GRB10: variants seen among roughly 807,000 people sequenced by gnomAD.
GRB10 encodes growth factor receptor bound protein 10.
GRB10 carries 20 observed loss-of-function variants against 80.9 expected under a neutral mutation model. The ratio of observed to expected loss-of-function variants is 0.25; its 90% CI spans 0.17 to 0.36. GRB10 has a LOEUF of 0.36. GRB10 is among the 10% of genes least tolerant of loss of function. The pLI is 1.00. For missense variants in GRB10, 548 were observed against 747.7 expected (o/e 0.73, Z 3.12); for synonymous variants, 291 against 291.5 (o/e 1.00, Z 0.02).
At chr7:50,672,902 A>G (rs1448707895) in intron 6 of GRB10, among the ~76,000 whole-genome samples, 1 of 152,210 alleles carries the variant, frequency 6.6e-6, no homozygotes, top group African/African-American at 2.4e-5. Context: ...GCAAAGTTGA[A>G]CAAACCCTGG....
intron 9 of GRB10, among the ~76,000 whole-genome samples, chr7:50,618,760 G>A (rs932985505): frequency 6.6e-6 from 1 of 152,176 alleles, no homozygotes; most frequent in African/African-American, 2.4e-5. Flanking sequence ...CCAACCAATC[G>A]CACTGATTTC....
At chr7:50,659,550 G>A (rs1323163330) in intron 7 of GRB10, among the ~76,000 whole-genome samples, 2 of 152,226 alleles carry the variant, frequency 1.3e-5, no homozygotes. Flanking sequence ...GCTGCTCCCA[G>A]GTCGCTCTGG....
intron 18 of GRB10, among the ~76,000 whole-genome samples, chr7:50,594,560 G>A (rs1014823532): frequency 6.6e-6 from 1 of 152,210 alleles, no homozygotes; most frequent in Non-Finnish European, 1.5e-5. Flanking sequence ...TGTCCAGCCA[G>A]CCTCTTTTGG....
rs568047401 is a variant in GRB10, at chr7:50,740,745, T to C, written c.-46-8377A>G. 2.6e-5 allele frequency among the ~76,000 whole-genome samples: 4 copies of C among 151,574 alleles called. No individual in the cohort carries two copies. In the East Asian group the frequency reaches 7.7e-4, roughly 29 times the overall value. ...CACATTCATTCGAAACCCAAACAAT[T>C]TGCAACAGAAGAGAGAAGACATAGC... On this transcript the variant is annotated intron_variant, in intron 3 of 18. Transcript: ENST00000401949.
At chr7:50,623,040 G>A (rs1180655622) in intron 8 of GRB10, among the ~76,000 whole-genome samples, 1 of 152,230 alleles carries the variant, frequency 6.6e-6, no homozygotes, top group Non-Finnish European at 1.5e-5. Context: ...CATGTGTGAA[G>A]CTGCCCTGGC....
chr7:50,637,786 T>C (rs2055355955), intron 7 of GRB10, among the ~76,000 whole-genome samples: 1 of 150,512 alleles, frequency 6.6e-6, no homozygotes, highest in South Asian at 2.1e-4. Flanking sequence ...AGAGGTATTA[T>C]ATTACCTGAC....
chr7:50,714,291 T>C (rs976058843), intron 4 of GRB10, among the ~76,000 whole-genome samples: 1 of 152,198 alleles, frequency 6.6e-6, no homozygotes, highest in African/African-American at 2.4e-5. Context: ...CTTAATAATT[T>C]TGACAACACA....
intron 4 of GRB10, among the ~76,000 whole-genome samples, chr7:50,721,589 G>A (rs138921072): frequency 2.0e-4 from 30 of 152,312 alleles, no homozygotes; most frequent in African/African-American, 7.2e-4. Flanking sequence ...CCCAAGCCCC[G>A]GTCTGTTAGC....
At chr7:50,664,630 C>A (rs919261661) in intron 7 of GRB10, among the ~76,000 whole-genome samples, 2 of 152,262 alleles carry the variant, frequency 1.3e-5, no homozygotes, top group Admixed American at 6.5e-5. Context: ...CTCAGAAGGC[C>A]CCGGAGGGTC....
intron 7 of GRB10, among the ~76,000 whole-genome samples, chr7:50,659,403 A>G (rs1305958902): frequency 6.6e-6 from 1 of 152,140 alleles, no homozygotes; most frequent in Non-Finnish European, 1.5e-5. Context: ...AACCACGGAG[A>G]GCTGAGGGAG....
chr7:50,618,980 A>AC (rs1295613654), intron 9 of GRB10, among the ~76,000 whole-genome samples, 190 bp downstream of exon 9: 1 of 152,212 alleles, frequency 6.6e-6, no homozygotes, highest in Non-Finnish European at 1.5e-5. Flanking sequence ...AGCCAGTCCC[A>AC]CGCACATTTA....
At chr7:50,624,518 C>T (rs1243327681) in intron 8 of GRB10, among the ~76,000 whole-genome samples, 2 of 152,142 alleles carry the variant, frequency 1.3e-5, no homozygotes, top group African/African-American at 2.4e-5. Context: ...TTTTAAAAAA[C>T]GTTAAGTGAT....
chr7:50,739,975 T>C (rs1398741985), intron 3 of GRB10, among the ~76,000 whole-genome samples: 1 of 152,244 alleles, frequency 6.6e-6, no homozygotes, highest in East Asian at 1.9e-4. Context: ...ACAGCTCATC[T>C]GCTTAAAGGA....
intron 2 of GRB10, among the ~76,000 whole-genome samples, chr7:50,758,995 G>T (rs1046846936): frequency 3.9e-5 from 1 of 25,684 alleles, no homozygotes; most frequent in Non-Finnish European, 6.4e-5. Flanking sequence ...GACCAGTTAT[G>T]GCATATAGCG....
At chr7:50,787,835 GA>G (rs2078757951), upstream of GRB10, among the ~76,000 whole-genome samples, 1 of 152,238 alleles carries the variant, frequency 6.6e-6, no homozygotes, top group South Asian at 2.1e-4. Context: ...CAGACACCTG[GA>G]AGCTCAGGTA....
chr7:50,602,254 T>A (rs543424817), intron 17 of GRB10, among the ~76,000 whole-genome samples: 17 of 152,292 alleles, frequency 1.1e-4, no homozygotes, highest in Admixed American at 1.1e-3. Flanking sequence ...CCTAATGAAA[T>A]ACTGAACCTG....
chr7:50,601,020 C>A (rs1469352141), intron 17 of GRB10, among the ~76,000 whole-genome samples: 1 of 152,224 alleles, frequency 6.6e-6, no homozygotes, highest in East Asian at 1.9e-4. Context: ...AAATGATGTT[C>A]CATGTACATA....
intron 6 of GRB10, among the ~76,000 whole-genome samples, chr7:50,672,819 C>T (rs1426027391): frequency 6.6e-6 from 1 of 152,210 alleles, no homozygotes; most frequent in East Asian, 1.9e-4. Context: ...AAGAGATGCT[C>T]CCAAGAGAAA....
chr7:50,592,957 A>T lies in GRB10; in HGVS notation c.1780T>A (p.Leu594Ile), dbSNP rs1349534200. The T allele has an allele frequency of 6.2e-7, 1 of 1,614,192 alleles. No individual in the cohort carries two copies. The highest frequency in any genetic ancestry group is 8.5e-7 in the Non-Finnish European group (1 of 1,180,028). The change falls in exon 19 of 19, where the codon TTA (leucine) becomes ATA (isoleucine). Residue 594 changes from leucine (L) to isoleucine (I), a missense_variant. By Grantham distance (5) the Leu-to-Ile change is conservative. This residue lies in a region of GRB10 where 32 missense variants were observed against 66.0 expected (regional missense o/e 0.48). Coordinates refer to ENST00000401949, the MANE Select transcript of GRB10 (RefSeq NM_001350814.2). ...KLKHHCIRVA[L>I] ...AGCCGAGAGGACATCTGCGGTCATA[A>T]GGCCACTCGGATGCAGTGGTGCTTG...
Sources: gnomAD v4.1 joint callset for allele counts (sites outside exome capture counted in the v4.1 genomes callset) on GRCh38, gnomAD v4.1.1 for gene constraint, gnomAD v4.1.1 regional missense constraint, MANE v1.5 for transcripts, NCBI Gene and HGNC (gene_info 2026-07-23, HGNC 2026-07-21) for gene names.